The following ELF2 variants were observed in gnomAD, a reference collection of about 807,000 sequenced individuals.
ELF2 encodes ETS-related transcription factor Elf-2.
ELF2 carries 11 observed loss-of-function variants against 54.8 expected under a neutral mutation model. The observed-to-expected ratio is 0.20, with a 90% confidence interval of 0.13 to 0.33. ELF2 has a LOEUF of 0.33. Among genes scored for constraint, ELF2 ranks in the 10% least tolerant of loss-of-function variants. The pLI is 1.00. For missense variants in ELF2, 513 were observed against 703.0 expected (o/e 0.73, Z 3.06); for synonymous variants, 203 against 245.1 (o/e 0.83, Z 1.61).
intron 3 of ELF2, among the ~76,000 whole-genome samples, chr4:139,127,173 C>T (rs1191486257): frequency 6.6e-6 from 1 of 152,160 alleles, no homozygotes; most frequent in East Asian, 1.9e-4. Flanking sequence ...ACACATTTCA[C>T]CCCCCAGATG....
intron 3 of ELF2, among the ~76,000 whole-genome samples, chr4:139,132,282 GGAA>G (rs1472941455): frequency 6.6e-6 from 1 of 152,112 alleles, no homozygotes; most frequent in Admixed American, 6.5e-5. Flanking sequence ...TAAAACTTGT[GGAA>G]GAATATGCCT....
intron 4 of ELF2, among the ~76,000 whole-genome samples, chr4:139,095,814 GC>G (rs1212927722): frequency 7.9e-5 from 12 of 152,150 alleles, no homozygotes; most frequent in Non-Finnish European, 1.8e-4. Context: ...GGAGGCCAAG[GC>G]GGGTGGATCA....
intron 4 of ELF2, among the ~76,000 whole-genome samples, chr4:139,118,753 T>C (rs1472437517): frequency 6.6e-6 from 1 of 152,002 alleles, no homozygotes; most frequent in Non-Finnish European, 1.5e-5. Flanking sequence ...TAAACAAATA[T>C]TCCATTCTAA....
chr4:139,143,103 C>T (rs573987772), intron 1 of ELF2, among the ~76,000 whole-genome samples: 4 of 152,112 alleles, frequency 2.6e-5, no homozygotes, highest in Admixed American at 6.5e-5. Flanking sequence ...TGGCTAAAGG[C>T]TTACAACCTC....
intron 5 of ELF2, among the ~76,000 whole-genome samples, chr4:139,072,891 T>A (rs1043766463): frequency 3.5e-4 from 54 of 152,328 alleles, no homozygotes; most frequent in African/African-American, 1.1e-3. Context: ...TATTTTTGTA[T>A]CAAGTCAAAT....
intron 4 of ELF2, among the ~76,000 whole-genome samples, chr4:139,078,087 C>T (rs1730571407): frequency 6.6e-6 from 1 of 152,058 alleles, no homozygotes; most frequent in South Asian, 2.1e-4. Context: ...TCTAATCAAC[C>T]GGTGTTTGTA....
intron 4 of ELF2, among the ~76,000 whole-genome samples, chr4:139,093,657 G>C (rs1732919095): frequency 6.6e-6 from 1 of 152,044 alleles, no homozygotes; most frequent in Non-Finnish European, 1.5e-5. Context: ...TAGAGTAAAA[G>C]AGAAAAATGA....
At position 139,142,358 on chromosome 4, in the gene ELF2, G is replaced by A. The variant is rs563763685; in HGVS notation, c.-251-2861C>T. On this transcript the variant is annotated intron_variant, in intron 1 of 9. Transcript: ENST00000686138. ...TGTATGCCTGACTAGTTAAAGGACC[G>A]GCAAGGGGACCCAATACAGCTGAAG... 8.3e-4 allele frequency among the ~76,000 whole-genome samples: 126 copies of A among 152,224 alleles called. 3 individuals are homozygous for A. In the South Asian group the frequency reaches 9.3e-3, roughly 11 times the overall value.
chr4:139,149,954 G>A (rs929735563), intron 1 of ELF2, among the ~76,000 whole-genome samples: 12 of 152,142 alleles, frequency 7.9e-5, no homozygotes, highest in African/African-American at 2.9e-4. Context: ...CAGCACTTAC[G>A]AAGGCCGAGG....
At chr4:139,151,032 A>AAAGAAAGAAAGAAAGAAAGAAAG (rs1553971301) in intron 1 of ELF2, among the ~76,000 whole-genome samples, 2 of 102,528 alleles carry the variant, frequency 2.0e-5, no homozygotes, top group African/African-American at 1.0e-4. Flanking sequence ...TCAAAAAAAA[A>AAAGAAAGAAAGAAAGAAAGAAAG]AAAGAAAGAA....
At chr4:139,159,814 G>A (rs1242068949) in intron 1 of ELF2, among the ~76,000 whole-genome samples, 1 of 152,156 alleles carries the variant, frequency 6.6e-6, no homozygotes, top group Admixed American at 6.5e-5. Context: ...TTTTATTAAA[G>A]TGGCATTAAT....
intron 4 of ELF2, among the ~76,000 whole-genome samples, chr4:139,093,385 T>G (rs1732892890): frequency 2.0e-5 from 3 of 152,230 alleles, no homozygotes; most frequent in Admixed American, 2.0e-4. Flanking sequence ...AATTTCAAAA[T>G]TAATTCTTAA....
intron 1 of ELF2, among the ~76,000 whole-genome samples, chr4:139,147,174 C>T (rs955628910): frequency 6.6e-6 from 1 of 151,982 alleles, no homozygotes; most frequent in Non-Finnish European, 1.5e-5. Flanking sequence ...CCACAGGGAG[C>T]TCAAACAAAT....
chr4:139,171,942 G>A (rs778603497), intron 1 of ELF2, among the ~76,000 whole-genome samples: 3 of 152,138 alleles, frequency 2.0e-5, no homozygotes. Context: ...ATATCCATTA[G>A]AACAGCTATA....
At chr4:139,115,209 C>G in intron 4 of ELF2, 1 of 1,611,494 alleles carries the variant, frequency 6.2e-7, no homozygotes, top group South Asian at 1.1e-5. Flanking sequence ...TGACGGTGAC[C>G]TTCCCTTGGC....
At chr4:139,114,319 C>G (rs1324115149) in intron 4 of ELF2, among the ~76,000 whole-genome samples, 1 of 151,984 alleles carries the variant, frequency 6.6e-6, no homozygotes, top group Non-Finnish European at 1.5e-5. Flanking sequence ...GCCTGTAATC[C>G]CAGCACTTTG....
At chr4:139,071,780 A>G in intron 6 of ELF2, 86 bp downstream of exon 6, 1 of 1,238,842 alleles carries the variant, frequency 8.1e-7, no homozygotes, top group South Asian at 1.5e-5. Flanking sequence ...TCTACAGCAT[A>G]TACTACTTTC....
chr4:139,172,888 G>A (rs1742455544), intron 1 of ELF2, among the ~76,000 whole-genome samples: 1 of 70,876 alleles, frequency 1.4e-5, no homozygotes, highest in Non-Finnish European at 3.1e-5. Flanking sequence ...ATAACGGGGG[G>A]GGGGGGGGGG....
chr4:139,084,465 T>TGGCTGTGGCGGCCGCCGC (rs1167826740), intron 4 of ELF2: 6 of 688,836 alleles, frequency 8.7e-6, no homozygotes, highest in Non-Finnish European at 1.1e-5. Context: ...GCGGCGGCTG[T>TGGCTGTGGCGGCCGCCGC]GGCTGTGGCG....
Sources: gnomAD v4.1 joint callset for allele counts (sites outside exome capture counted in the v4.1 genomes callset) on GRCh38, gnomAD v4.1.1 for gene constraint, MANE v1.5 for transcripts, NCBI Gene and HGNC (gene_info 2026-07-23, HGNC 2026-07-21) for gene names.